The following UNC13C variants were observed in gnomAD, a reference collection of about 807,000 sequenced individuals.
UNC13C encodes protein unc-13 homolog C.
Under a neutral mutation model 245.4 loss-of-function variants are expected in UNC13C, and 174 were observed. The ratio of observed to expected loss-of-function variants is 0.71; its 90% CI spans 0.63 to 0.80. The LOEUF (loss-of-function observed/expected upper bound fraction) is 0.80, where lower values mean the gene tolerates loss of function less well. Ranked by LOEUF, UNC13C falls within the 30% of genes least tolerant of loss-of-function variation. The probability of loss-of-function intolerance (pLI) is 0.00; values close to 1 mark genes in which losing one functional copy is unlikely to be tolerated. For synonymous variants in UNC13C, 992 were observed against 895.1 expected (o/e 1.11, Z -1.93); for missense variants, 2,829 against 2,602.9 (o/e 1.09, Z -1.89).
intron 4 of UNC13C, among the ~76,000 whole-genome samples, chr15:54,202,579 T>C (rs1439331421): frequency 1.3e-5 from 2 of 151,950 alleles, no homozygotes; most frequent in Non-Finnish European, 2.9e-5. Flanking sequence ...AATCATCCCA[T>C]TCAACAAATG....
intron 4 of UNC13C, among the ~76,000 whole-genome samples, chr15:54,187,748 A>G (rs2034042617): frequency 6.6e-6 from 1 of 152,110 alleles, no homozygotes; most frequent in East Asian, 1.9e-4. Context: ...TTTGATTAAT[A>G]ATGTCTTATC....
chr15:53,897,779 T>C, the UNC13C span, among the ~76,000 whole-genome samples: 4 of 152,210 alleles, frequency 2.6e-5, no homozygotes, highest in Admixed American at 1.3e-4. Flanking sequence ...TGTATTAGCA[T>C]ATTAAAAGTT....
At chr15:54,079,192 G>A (rs76472673) in intron 2 of UNC13C, among the ~76,000 whole-genome samples, 3,780 of 151,922 alleles carry the variant, frequency 0.025, 150 homozygotes, top group African/African-American at 0.083. Flanking sequence ...GTACTTGTAC[G>A]ATGTTCCTTT....
chr15:54,251,830 C>A (rs1375516994), intron 8 of UNC13C, among the ~76,000 whole-genome samples: 1 of 152,158 alleles, frequency 6.6e-6, no homozygotes, highest in South Asian at 2.1e-4. Flanking sequence ...GCTGTCACAG[C>A]TGACTTGTTG....
At chr15:54,511,871 A>G (rs1303924509) in intron 24 of UNC13C, 41 bp downstream of exon 24, 1 of 1,389,768 alleles carries the variant, frequency 7.2e-7, no homozygotes, top group Non-Finnish European at 1.0e-6. Flanking sequence ...AAACCTACTT[A>G]GAGATTATTA....
rs76903616 is a variant in UNC13C, at chr15:54,114,592, A to G, written c.2984-28426A>G. Among the ~76,000 whole-genome samples, 787 of 152,262 alleles carry G rather than the reference A, an allele frequency of 5.2e-3. 4 individuals carry two copies. The highest frequency in any genetic ancestry group is 8.7e-3 in the Non-Finnish European group (589 of 68,002). On this transcript the variant is annotated intron_variant, in intron 2 of 32. Transcript: ENST00000260323. ...ACATAGCAAAACTTATCCATTCCCT[A>G]TCAATAGGCATTTATACCACATCAT...
intron 14 of UNC13C, among the ~76,000 whole-genome samples, chr15:54,323,703 T>A (rs2140983038): frequency 6.6e-6 from 1 of 152,180 alleles, no homozygotes. Flanking sequence ...ATCCTGTTGT[T>A]ACCAAATACC....
intron 30 of UNC13C, among the ~76,000 whole-genome samples, chr15:54,593,447 T>C (rs1403435243): frequency 6.6e-6 from 1 of 152,134 alleles, no homozygotes; most frequent in Non-Finnish European, 1.5e-5. Flanking sequence ...GAACACCAAT[T>C]ATTTTTAGGT....
chr15:54,367,249 C>T (rs1460230871), intron 17 of UNC13C, among the ~76,000 whole-genome samples: 1 of 152,096 alleles, frequency 6.6e-6, no homozygotes, highest in African/African-American at 2.4e-5. Flanking sequence ...TCAGATTTTC[C>T]TCTAACCTTG....
At chr15:54,285,853 A>G (rs1037664583) in intron 10 of UNC13C, among the ~76,000 whole-genome samples, 2 of 151,812 alleles carry the variant, frequency 1.3e-5, no homozygotes, top group Non-Finnish European at 2.9e-5. Flanking sequence ...TTTATTAATC[A>G]TGTATATTCA....
At chr15:54,232,407 C>G (rs1218979205) in intron 4 of UNC13C, among the ~76,000 whole-genome samples, 2 of 152,104 alleles carry the variant, frequency 1.3e-5, no homozygotes, top group African/African-American at 2.4e-5. Flanking sequence ...TATCTCTGCT[C>G]TGATGAGATA....
chr15:54,384,453 T>A (rs571159441), intron 17 of UNC13C, among the ~76,000 whole-genome samples: 1 of 152,212 alleles, frequency 6.6e-6, no homozygotes, highest in Non-Finnish European at 1.5e-5. Context: ...AATGTATAAC[T>A]ATATCCAAAA....
At chr15:53,887,232 C>A in the UNC13C span, among the ~76,000 whole-genome samples, 3 of 152,084 alleles carry the variant, frequency 2.0e-5, no homozygotes, top group Non-Finnish European at 4.4e-5. Context: ...TTTTGTAAAT[C>A]TAAAACTGGT....
At chr15:53,885,215 A>G in the UNC13C span, among the ~76,000 whole-genome samples, 1 of 152,192 alleles carries the variant, frequency 6.6e-6, no homozygotes, top group Non-Finnish European at 1.5e-5. Context: ...GTCTTTCTGA[A>G]CTTCTCCTGC....
chr15:54,280,790 A>G (rs1402331391), intron 10 of UNC13C, among the ~76,000 whole-genome samples: 1 of 148,480 alleles, frequency 6.7e-6, no homozygotes, highest in African/African-American at 2.5e-5. Context: ...ATACACATAT[A>G]TATATATATA....
the UNC13C span, among the ~76,000 whole-genome samples, chr15:53,896,278 G>T: frequency 1.3e-5 from 2 of 152,028 alleles, no homozygotes; most frequent in Non-Finnish European, 2.9e-5. Context: ...GAGCATATAT[G>T]TACCAAATAC....
intron 1 of UNC13C, among the ~76,000 whole-genome samples, chr15:54,003,880 A>G (rs1459661117): frequency 6.6e-6 from 1 of 152,034 alleles, no homozygotes; most frequent in African/African-American, 2.4e-5. Context: ...GCATGGTGGC[A>G]GGCACCTGTA....
chr15:54,056,856 A>C (rs1194130753), intron 2 of UNC13C, among the ~76,000 whole-genome samples: 2 of 152,224 alleles, frequency 1.3e-5, no homozygotes, highest in Non-Finnish European at 2.9e-5. Context: ...TATCCAGCCA[A>C]ACTAAGCTTC....
intron 19 of UNC13C, among the ~76,000 whole-genome samples, chr15:54,450,047 C>G (rs1396126795): frequency 6.6e-6 from 1 of 152,202 alleles, no homozygotes; most frequent in Admixed American, 6.5e-5. Flanking sequence ...ACTGCAGACC[C>G]TGTTTGCCTG....
Sources: gnomAD v4.1 joint callset for allele counts (sites outside exome capture counted in the v4.1 genomes callset) on GRCh38, gnomAD v4.1.1 for gene constraint, MANE v1.5 for transcripts, NCBI Gene and HGNC (gene_info 2026-07-23, HGNC 2026-07-21) for gene names.